The following ZNF560 variants were observed in gnomAD, a reference collection of about 807,000 sequenced individuals.
ZNF560 encodes zinc finger protein 560.
A neutral mutation model predicts 81.8 loss-of-function variants in ZNF560; 54 were observed. That is an observed-to-expected ratio of 0.66 (90% CI 0.53 to 0.83). The LOEUF (loss-of-function observed/expected upper bound fraction) is 0.83. ZNF560 is among the 40% of genes least tolerant of loss of function. The probability of loss-of-function intolerance (pLI) is 0.00; values close to 1 mark genes in which losing one functional copy is unlikely to be tolerated. For synonymous variants in ZNF560, 321 were observed against 317.9 expected, an observed-to-expected ratio of 1.01 and a Z score of -0.10; for missense variants, 940 against 932.4, an observed-to-expected ratio of 1.01 and a Z score of -0.11.
the ZNF560 span, among the ~76,000 whole-genome samples, chr19:9,456,611 T>C: frequency 6.6e-6 from 1 of 152,210 alleles, no homozygotes; most frequent in Non-Finnish European, 1.5e-5. Context: ...GGAGTGGACA[T>C]TTCAATCATA....
the ZNF560 span, among the ~76,000 whole-genome samples, chr19:9,449,702 C>T: frequency 4.6e-5 from 7 of 152,322 alleles, no homozygotes; most frequent in South Asian, 8.3e-4. Context: ...GGCACAGTGG[C>T]TCATGCCTGT....
At chr19:9,480,337 A>G (rs995404830) in intron 2 of ZNF560, among the ~76,000 whole-genome samples, 2 of 152,210 alleles carry the variant, frequency 1.3e-5, no homozygotes, top group African/African-American at 4.8e-5. Flanking sequence ...AACAATAGGA[A>G]GAAAATTAGA....
At chr19:9,466,256 G>A (rs1416537154), downstream of ZNF560, among the ~76,000 whole-genome samples, 1 of 151,436 alleles carries the variant, frequency 6.6e-6, no homozygotes, top group African/African-American at 2.4e-5. Flanking sequence ...TAAAGCAGGA[G>A]AATTGCTTGA....
chr19:9,467,080 T>C lies in ZNF560; in HGVS notation c.1867A>G (p.Thr623Ala), dbSNP rs759240435. The C allele has an allele frequency of 1.9e-6, 3 of 1,613,892 alleles. No homozygotes were observed. The highest frequency in any genetic ancestry group is 2.5e-6 in the Non-Finnish European group (3 of 1,179,974). ...TTATATTCATAGGGCTTATCTCCAG[T>C]GTGTCTTCGTAAATGTTTAGTAAGA... Reference protein sequence around the residue: ...SDLTKHLRRHTGDKPYEYKDC... With the variant: ...SDLTKHLRRHAGDKPYEYKDC... The change falls in exon 10 of 10, where the codon ACT becomes GCT. Residue 623 changes from threonine to alanine, a missense_variant. Thr to Ala is a moderately conservative substitution (Grantham distance 58, BLOSUM62 0). Coordinates refer to ENST00000301480, the MANE Select transcript of ZNF560 (RefSeq NM_152476.3).
downstream of ZNF560, among the ~76,000 whole-genome samples, chr19:9,463,871 T>G (rs1192965129): frequency 6.6e-6 from 1 of 152,126 alleles, no homozygotes; most frequent in Non-Finnish European, 1.5e-5. Context: ...TTTGTAGAGA[T>G]AGGGTTTTGC....
At chr19:9,473,617 TGATAAA>T (rs2073156235) in intron 4 of ZNF560, among the ~76,000 whole-genome samples, 1 of 151,050 alleles carries the variant, frequency 6.6e-6, no homozygotes, top group Non-Finnish European at 1.5e-5. Context: ...ATGCAAGAGA[TGATAAA>T]CTTTACATTA....
the ZNF560 span, among the ~76,000 whole-genome samples, chr19:9,456,810 T>A: frequency 6.6e-6 from 1 of 152,220 alleles, no homozygotes; most frequent in Non-Finnish European, 1.5e-5. Context: ...TCTCCCCCCA[T>A]ACATTTATTA....
At chr19:9,458,204 T>C in the ZNF560 span, among the ~76,000 whole-genome samples, 1 of 152,248 alleles carries the variant, frequency 6.6e-6, no homozygotes, top group Non-Finnish European at 1.5e-5. Flanking sequence ...ATAAATAGTC[T>C]TACTTGTTAA....
At chr19:9,488,992 T>C (rs923090058) in intron 2 of ZNF560, among the ~76,000 whole-genome samples, 3 of 152,226 alleles carry the variant, frequency 2.0e-5, no homozygotes, top group Admixed American at 1.3e-4. Flanking sequence ...CTGCTTCACC[T>C]TCTGCCATGA....
the ZNF560 span, among the ~76,000 whole-genome samples, chr19:9,456,095 A>T: frequency 6.6e-6 from 1 of 152,236 alleles, no homozygotes; most frequent in African/African-American, 2.4e-5. Flanking sequence ...ATCCTGAGCC[A>T]CATTCCAAAC....
the ZNF560 span, among the ~76,000 whole-genome samples, chr19:9,447,938 A>C: frequency 6.6e-6 from 1 of 152,208 alleles, no homozygotes; most frequent in African/African-American, 2.4e-5. Context: ...ACGCTAGAGA[A>C]AAAAGCTTAA....
chr19:9,459,477 G>T, the ZNF560 span, among the ~76,000 whole-genome samples: 3 of 152,166 alleles, frequency 2.0e-5, no homozygotes, highest in African/African-American at 4.8e-5. Flanking sequence ...GACATCTAAA[G>T]CCCTACTATG....
At position 9,470,268 on chromosome 19, in the gene ZNF560, AT is replaced by A. The variant is rs935635390; in HGVS notation, c.448+123del. ...TTTCCTATTTTACTCATTAAAAAAA[AT>A]TTTTTTTCAGTGTGTATATATCCCA... is the stretch of plus-strand genomic sequence containing the variant. On this transcript the variant is annotated intron_variant, in intron 7 of 9. Coordinates refer to ENST00000301480, the MANE Select transcript of ZNF560 (RefSeq NM_152476.3). 190 of 1,258,778 alleles carry A rather than the reference AT, an allele frequency of 1.5e-4. 1 individual carries two copies. The highest frequency in any genetic ancestry group is 4.4e-4 in the Admixed American group (18 of 40,822). The allele number at this position is 1,258,778 out of a possible 1,614,324, so 78.0% of individuals were successfully genotyped here.
At chr19:9,455,691 C>T in the ZNF560 span, among the ~76,000 whole-genome samples, 5 of 152,260 alleles carry the variant, frequency 3.3e-5, no homozygotes, top group South Asian at 2.1e-4. Flanking sequence ...TATAGTGTTG[C>T]AGTTATTAGC....
chr19:9,448,219 T>TGC, the ZNF560 span, among the ~76,000 whole-genome samples: 1 of 151,744 alleles, frequency 6.6e-6, no homozygotes, highest in Non-Finnish European at 1.5e-5. Flanking sequence ...TTTTTGTGTG[T>TGC]GCGTGTGGCG....
At chr19:9,465,425 A>G (rs1407300938), downstream of ZNF560, among the ~76,000 whole-genome samples, 1 of 152,220 alleles carries the variant, frequency 6.6e-6, no homozygotes, top group Non-Finnish European at 1.5e-5. Context: ...GGCATGAGCC[A>G]CTGCGCCTGG....
chr19:9,490,570 C>T (rs1269049288), intron 2 of ZNF560, among the ~76,000 whole-genome samples: 2 of 152,106 alleles, frequency 1.3e-5, no homozygotes, highest in African/African-American at 4.8e-5. Flanking sequence ...CTCTGTGGGC[C>T]ACACAGTCTC....
At chr19:9,489,401 G>T (rs11671218) in intron 2 of ZNF560, among the ~76,000 whole-genome samples, 2 of 149,696 alleles carry the variant, frequency 1.3e-5, no homozygotes, top group Non-Finnish European at 3.0e-5. Context: ...CTTCCCAGAC[G>T]GTGTGGTGGC....
downstream of ZNF560, among the ~76,000 whole-genome samples, chr19:9,464,622 G>A (rs1034323028): frequency 1.3e-5 from 2 of 152,192 alleles, no homozygotes; most frequent in Non-Finnish European, 2.9e-5. Context: ...GCCAGTGTGA[G>A]CCACTACAGG....
Sources: allele counts gnomAD v4.1 joint callset (sites outside exome capture counted in the v4.1 genomes callset), GRCh38; gene constraint gnomAD v4.1.1; transcripts MANE v1.5; gene names NCBI Gene and HGNC (gene_info 2026-07-23, HGNC 2026-07-21).